Variants in PGAP4 observed in about 807,000 individuals in gnomAD.
The protein encoded by PGAP4 is post-GPI attachment to proteins GalNAc transferase 4.
PGAP4 carries 12 observed loss-of-function variants against 28.2 expected under a neutral mutation model. The observed-to-expected ratio is 0.42, with a 90% CI of 0.27 to 0.69. PGAP4 has a LOEUF of 0.69. Ranked by LOEUF, PGAP4 falls within the 30% of genes least tolerant of loss-of-function variation. The pLI, the probability that PGAP4 is intolerant of heterozygous loss-of-function variation, is 0.22. For synonymous variants in PGAP4, 205 were observed against 211.8 expected (o/e 0.97, Z 0.28); for missense variants, 425 against 513.5 (o/e 0.83, Z 1.67).
At chr9:101,516,238 C>T (rs1826942655) in intron 2 of PGAP4, among the ~76,000 whole-genome samples, 2 of 151,894 alleles carry the variant, frequency 1.3e-5, no homozygotes, top group African/African-American at 4.8e-5. Context: ...GATGATATTC[C>T]CTTCCAAAAA....
chr9:101,493,251 TCAAAAAA>T (rs1220647673), intron 2 of PGAP4, among the ~76,000 whole-genome samples: 1 of 99,654 alleles, frequency 1.0e-5, no homozygotes, highest in Non-Finnish European at 2.0e-5. Context: ...AGACTCCATC[TCAAAAAA>T]AAAAAAAAAA....
rs1406734346 is a variant in PGAP4, at chr9:101,476,721, C to G, written c.372G>C (p.Gln124His). 2 of 1,614,002 alleles carry G rather than the reference C, an allele frequency of 1.2e-6. No individual in the cohort carries two copies. The highest frequency in any genetic ancestry group is 1.7e-6 in the Non-Finnish European group (2 of 1,180,022). Residue 124 changes from glutamine to histidine, a missense_variant, in exon 2 of 2, where the codon CAG (glutamine) becomes CAC (histidine). Gln to His is a conservative substitution (Grantham distance 24, BLOSUM62 0). Coordinates refer to ENST00000374848, the MANE Select transcript of PGAP4 (RefSeq NM_032342.3). The surrounding 1 kb of genome is among the most constrained non-coding windows in gnomAD (Gnocchi z 7.0). ...CACATTGCTGAAGAAGCCGGTGGAA[C>G]TGGGACACAACCTGCAGGACGTAGT... ...GFHYVLQVVSQFHRLLQQCGP... is the reference protein window; with the variant it reads ...GFHYVLQVVSHFHRLLQQCGP...
chr9:101,519,459 A>G (rs1826968800), intron 2 of PGAP4, among the ~76,000 whole-genome samples: 1 of 151,878 alleles, frequency 6.6e-6, no homozygotes, highest in Non-Finnish European at 1.5e-5. Context: ...ATTCCTGGCC[A>G]TGTTTGTTTG....
chr9:101,503,561 A>T (rs1211197770), intron 2 of PGAP4, among the ~76,000 whole-genome samples: 1 of 152,100 alleles, frequency 6.6e-6, no homozygotes, highest in African/African-American at 2.4e-5. Context: ...AATAATAATT[A>T]CATTCTCTAC....
chr9:101,511,740 C>T (rs1344059931), intron 2 of PGAP4, among the ~76,000 whole-genome samples: 3 of 152,146 alleles, frequency 2.0e-5, no homozygotes, highest in Non-Finnish European at 2.9e-5. Flanking sequence ...AAGTCTGTTT[C>T]TGTTCTTCCT....
intron 2 of PGAP4, among the ~76,000 whole-genome samples, chr9:101,523,493 A>G (rs1179304829): frequency 6.7e-6 from 1 of 148,156 alleles, no homozygotes; most frequent in Non-Finnish European, 1.5e-5. Flanking sequence ...GTTCAATTCT[A>G]TTGTTGAGAC....
At chr9:101,493,252 CAAAA>C (rs34195899) in intron 2 of PGAP4, among the ~76,000 whole-genome samples, 1 of 116,990 alleles carries the variant, frequency 8.5e-6, no homozygotes. Context: ...GACTCCATCT[CAAAA>C]AAAAAAAAAA....
chr9:101,519,367 C>A (rs1026570386), intron 2 of PGAP4, among the ~76,000 whole-genome samples: 1 of 152,082 alleles, frequency 6.6e-6, no homozygotes, highest in Non-Finnish European at 1.5e-5. Flanking sequence ...CTGTGTTGCC[C>A]AGGCTGGTCT....
chr9:101,494,810 G>C (rs1234992388), intron 2 of PGAP4, among the ~76,000 whole-genome samples: 1 of 151,574 alleles, frequency 6.6e-6, no homozygotes, highest in African/African-American at 2.4e-5. Context: ...AAGGAAACTA[G>C]TTATTTTTAC....
intron 2 of PGAP4, among the ~76,000 whole-genome samples, chr9:101,509,554 C>A (rs1826877487): frequency 6.6e-6 from 1 of 152,170 alleles, no homozygotes; most frequent in Non-Finnish European, 1.5e-5. Flanking sequence ...AGAAAGCTAT[C>A]TCACTTCTGT....
Position 101,486,040 on chromosome 9 carries a change from C to G in PGAP4, c.-78+909G>C, listed in dbSNP as rs1332662698. 6.6e-6 allele frequency among the ~76,000 whole-genome samples: 1 copy of G among 152,166 alleles called. No individual in the cohort carries two copies. Among genetic ancestry groups the G allele is most frequent in the Admixed American group, 6.5e-5 (1 of 15,268 alleles). ...TCATTGGAGCCGCCCTGCGGTCCCC[C>G]GGAGAGAGCCTGGGCCGAGCAGAGG... is the stretch of plus-strand genomic sequence containing the variant. On this transcript the variant is annotated intron_variant, in intron 1 of 1. Transcript: ENST00000374848. The surrounding 1 kb of genome is among the most constrained non-coding windows in gnomAD (Gnocchi z 4.7).
At chr9:101,490,992 T>C (rs1259334809), upstream of PGAP4, among the ~76,000 whole-genome samples, 1 of 152,190 alleles carries the variant, frequency 6.6e-6, no homozygotes, top group Non-Finnish European at 1.5e-5. Flanking sequence ...TGGTGCTGTC[T>C]CACAGCTGGT....
chr9:101,493,819 G>C (rs1319162044), intron 2 of PGAP4, among the ~76,000 whole-genome samples: 4 of 151,990 alleles, frequency 2.6e-5, no homozygotes, highest in South Asian at 4.1e-4. Flanking sequence ...TTTAGTTTTA[G>C]TTTATAGAGC....
rs1167463753 is a variant in PGAP4 at position 101,474,906 on chromosome 9, T to C, written c.*975A>G. 1.3e-5 allele frequency: 2 copies of C among 152,004 alleles called. No homozygotes were observed. The highest frequency in any genetic ancestry group is 2.4e-5 in the African/African-American group (1 of 41,366). The allele number at this position is 152,004 out of a possible 1,614,324, so 9.4% of individuals were successfully genotyped here. On this transcript the variant is annotated 3_prime_UTR_variant, in exon 2 of 2. Coordinates refer to ENST00000374848, the MANE Select transcript of PGAP4 (RefSeq NM_032342.3). ...GAAATTGAGACCCAGAGTGATTATA[T>C]GACCTGCCCAAGGTGGTCACGTCGT...
chr9:101,496,872 C>A (rs1021286568), intron 2 of PGAP4, among the ~76,000 whole-genome samples: 1 of 150,402 alleles, frequency 6.6e-6, no homozygotes, highest in Non-Finnish European at 1.5e-5. Context: ...TATTTTGAAA[C>A]AAATTTAACA....
In PGAP4 at chr9:101,486,746, T is replaced by A. The variant is rs537814376; in HGVS notation, c.-78+203A>T. ...TCCTCCGGCAGGAAGCGGTCGGAGC[T>A]GCGGGCAGGGCCGCTAGGCAACCCG... On this transcript the variant is annotated intron_variant, in intron 1 of 1. Transcript: ENST00000374848. The surrounding 1 kb of genome is among the most constrained non-coding windows in gnomAD (Gnocchi z 4.7). Among the ~76,000 whole-genome samples, 12 of 152,070 alleles carry A rather than the reference T, an allele frequency of 7.9e-5. No individual in the cohort carries two copies. The highest frequency in any genetic ancestry group is 2.4e-4 in the African/African-American group (10 of 41,460).
chr9:101,503,984 C>T (rs62575814), intron 2 of PGAP4, among the ~76,000 whole-genome samples: 2,503 of 152,030 alleles, frequency 0.016, 48 homozygotes, highest in Non-Finnish European at 0.024. Context: ...ATGCTAAGTA[C>T]CACATAATCA....
intron 1 of PGAP4, among the ~76,000 whole-genome samples, chr9:101,478,085 ATATCT>A (rs1826378500): frequency 6.6e-6 from 1 of 152,256 alleles, no homozygotes; most frequent in African/African-American, 2.4e-5. Flanking sequence ...TTACCTCTCC[ATATCT>A]TATATTTCTT....
At chr9:101,511,140 C>A (rs1332979786) in intron 2 of PGAP4, among the ~76,000 whole-genome samples, 1 of 152,172 alleles carries the variant, frequency 6.6e-6, no homozygotes, top group African/African-American at 2.4e-5. Context: ...CAATAGGGTT[C>A]TTATTCCTAT....
Sources: allele counts gnomAD v4.1 joint callset (sites outside exome capture counted in the v4.1 genomes callset), GRCh38; gene constraint gnomAD v4.1.1; non-coding constraint Gnocchi (gnomAD v3.1); transcripts MANE v1.5; gene names NCBI Gene and HGNC (gene_info 2026-07-23, HGNC 2026-07-21).